Variants in ADAMTS19 observed in about 807,000 individuals in gnomAD.
ADAMTS19 encodes A disintegrin and metalloproteinase with thrombospondin motifs 19.
In ADAMTS19, 93 loss-of-function variants were observed where a neutral mutation model predicts 153.3. The ratio of observed to expected loss-of-function variants is 0.61; its 90% CI spans 0.51 to 0.72. The LOEUF (loss-of-function observed/expected upper bound fraction) is 0.72, where lower values mean the gene tolerates loss of function less well. Among genes scored for constraint, ADAMTS19 ranks in the 30% least tolerant of loss-of-function variants. The pLI, the probability that ADAMTS19 is intolerant of heterozygous loss-of-function variation, is 0.00. For synonymous variants in ADAMTS19, 600 were observed against 556.6 expected, an observed-to-expected ratio of 1.08 and a Z score of -1.10; for missense variants, 1,482 against 1,552.1, an observed-to-expected ratio of 0.95 and a Z score of 0.76.
At chr5:129,715,260 T>G (rs950282059) in intron 21 of ADAMTS19, among the ~76,000 whole-genome samples, 2 of 152,220 alleles carry the variant, frequency 1.3e-5, no homozygotes, top group African/African-American at 4.8e-5. Flanking sequence ...AAAAAATTCT[T>G]ACTTTTTTAA....
chr5:129,645,588 T>A (rs1020928938), intron 11 of ADAMTS19, among the ~76,000 whole-genome samples: 12 of 152,168 alleles, frequency 7.9e-5, no homozygotes, highest in Admixed American at 7.9e-4. Flanking sequence ...ATCAGCCAGA[T>A]GTGTCATTGT....
At chr5:129,638,128 AAAG>A (rs138079738) in intron 10 of ADAMTS19, among the ~76,000 whole-genome samples, 2,708 of 152,266 alleles carry the variant, frequency 0.018, 70 homozygotes, top group African/African-American at 0.061. Context: ...GAAAAGTTAA[AAAG>A]AAGAAGTGAT....
chr5:129,638,172 T>C (rs1211565290), intron 10 of ADAMTS19, among the ~76,000 whole-genome samples: 1 of 152,220 alleles, frequency 6.6e-6, no homozygotes, highest in Admixed American at 6.5e-5. Context: ...AGAAAGTTTC[T>C]CTGTGTTGAG....
chr5:129,730,395 G>A (rs1757386928), intron 21 of ADAMTS19, among the ~76,000 whole-genome samples: 1 of 152,074 alleles, frequency 6.6e-6, no homozygotes. Flanking sequence ...AATATATACA[G>A]AGTAAAACTT....
intron 7 of ADAMTS19, among the ~76,000 whole-genome samples, chr5:129,580,873 G>A (rs1265711435): frequency 6.6e-6 from 1 of 152,162 alleles, no homozygotes; most frequent in Non-Finnish European, 1.5e-5. Context: ...ATGTTCGTCA[G>A]GGATATTGGC....
chr5:129,641,324 A>T lies in ADAMTS19; in HGVS notation c.1771-535A>T, dbSNP rs573328944. On this transcript the variant is annotated intron_variant, in intron 10 of 22. Coordinates refer to ENST00000274487, the MANE Select transcript of ADAMTS19 (RefSeq NM_133638.6). ...GAAAATGTAAAAATCCTTCATACTG[A>T]AGTAAAAAGTACTGATAACAATTTA... Among the ~76,000 whole-genome samples the T allele has an allele frequency of 2.6e-5, 4 of 152,318 alleles. No individual in the cohort carries two copies. In the South Asian group the frequency reaches 8.3e-4, roughly 32 times the overall value.
At chr5:129,564,107 G>A (rs1753620334) in intron 7 of ADAMTS19, among the ~76,000 whole-genome samples, 1 of 152,170 alleles carries the variant, frequency 6.6e-6, no homozygotes. Context: ...TTTTAGTAGA[G>A]ACAGCGTTCC....
chr5:129,461,192 G>C lies in ADAMTS19; in HGVS notation c.182G>C (p.Gly61Ala), dbSNP rs1393395000. The change falls in exon 2 of 23, where the codon GGG becomes GCG. Residue 61 changes from glycine (G) to alanine (A), a missense_variant. This residue lies in a region of ADAMTS19 where 866 missense variants were observed against 827.7 expected (regional missense o/e 1.05). Coordinates refer to ENST00000274487, the MANE Select transcript of ADAMTS19 (RefSeq NM_133638.6). This position sits in a 1 kb window ranked among gnomAD's most constrained non-coding sequence, Gnocchi z 4.6. ...CCGGTGGACCCGGCTGGCGGCAGCG[G>C]GGGCAGCGCGGACCCGGGCTGGGTG... The part of the protein sequence containing the change: ...REPVDPAGGS[G>A]GSADPGWVRG... 10 of 1,343,872 alleles carry C rather than the reference G, an allele frequency of 7.4e-6. No individual in the cohort carries two copies. In the East Asian group the frequency reaches 2.5e-4, roughly 33 times the overall value. 83.2% of individuals were successfully genotyped at this position (1,343,872 alleles called of 1,614,324 possible). A position where few individuals can be genotyped will look rare whatever the true frequency, so the allele number is the denominator to read the frequency against.
At chr5:129,709,575 T>C (rs1231878999) in intron 21 of ADAMTS19, among the ~76,000 whole-genome samples, 1 of 152,214 alleles carries the variant, frequency 6.6e-6, no homozygotes, top group Non-Finnish European at 1.5e-5. Flanking sequence ...TTATGCCAGC[T>C]CTTTAAGTGT....
chr5:129,475,617 G>T (rs1580986266), intron 2 of ADAMTS19, among the ~76,000 whole-genome samples: 5 of 152,292 alleles, frequency 3.3e-5, no homozygotes, highest in Admixed American at 3.3e-4. Flanking sequence ...CAGATCACTT[G>T]GGGTCAGGAG....
intron 8 of ADAMTS19, among the ~76,000 whole-genome samples, chr5:129,612,982 G>T (rs954096460): frequency 6.6e-6 from 1 of 152,134 alleles, no homozygotes; most frequent in African/African-American, 2.4e-5. Flanking sequence ...AAAAAGAAGA[G>T]CTAACTATCC....
intron 6 of ADAMTS19, 134 bp from the exon 7 acceptor site, chr5:129,551,722 AATCTTATT>A: frequency 1.8e-6 from 1 of 554,670 alleles, no homozygotes; most frequent in Non-Finnish European, 3.1e-6. Flanking sequence ...ATTAAAAATT[AATCTTATT>A]CACAGTTTTA....
At chr5:129,577,418 A>T (rs1420773476) in intron 7 of ADAMTS19, among the ~76,000 whole-genome samples, 3 of 152,144 alleles carry the variant, frequency 2.0e-5, no homozygotes, top group African/African-American at 7.2e-5. Context: ...ATATTAAAAG[A>T]TAAAACTGAT....
intron 7 of ADAMTS19, among the ~76,000 whole-genome samples, chr5:129,587,963 A>G (rs1386299921): frequency 6.6e-6 from 1 of 151,900 alleles, no homozygotes; most frequent in Non-Finnish European, 1.5e-5. Flanking sequence ...ACTCTCTCCT[A>G]TTTTTAGGAT....
chr5:129,502,106 A>G (rs932487596), intron 2 of ADAMTS19, among the ~76,000 whole-genome samples: 1 of 152,148 alleles, frequency 6.6e-6, no homozygotes, highest in Admixed American at 6.6e-5. Context: ...TTGCTGATCA[A>G]AAACCAGCCT....
Position 129,714,607 on chromosome 5 carries a change from A to G in ADAMTS19, c.3312+10216A>G, listed in dbSNP as rs187865236. 9.0e-3 allele frequency among the ~76,000 whole-genome samples: 1,366 copies of G among 152,258 alleles called. 14 individuals are homozygous for G. Among genetic ancestry groups the G allele is most frequent in the South Asian group, 0.027 (129 of 4,828 alleles). On this transcript the variant is annotated intron_variant, in intron 21 of 22. Transcript: ENST00000274487. Reference sequence around the variant, plus strand: ...TATCAGGGGGCAACCAGAAAGCTCCATTTAAAGGGTGCAGACGCTACGTAA... The same window carrying G: ...TATCAGGGGGCAACCAGAAAGCTCCGTTTAAAGGGTGCAGACGCTACGTAA...
intron 16 of ADAMTS19, among the ~76,000 whole-genome samples, chr5:129,668,368 G>A (rs1447723224): frequency 1.3e-5 from 2 of 152,110 alleles, no homozygotes; most frequent in African/African-American, 4.8e-5. Context: ...CATAGATTAG[G>A]TAGCTTATAA....
chr5:129,461,769 C>T lies in ADAMTS19; in HGVS notation c.747+12C>T. 1.4e-6 allele frequency: 2 copies of T among 1,479,552 alleles called. No homozygotes were observed. The highest frequency in any genetic ancestry group is 5.2e-5 in the East Asian group (2 of 38,818). 91.7% of individuals were successfully genotyped at this position (1,479,552 alleles called of 1,614,324 possible). On this transcript the variant is annotated intron_variant, in intron 2 of 22. Coordinates refer to ENST00000274487, the MANE Select transcript of ADAMTS19 (RefSeq NM_133638.6). The surrounding 1 kb of genome is among the most constrained non-coding windows in gnomAD (Gnocchi z 4.6). ...GTGGAGGTGGCCTGGTAAGCGCCTT[C>T]TTTCCCTAGCTCTCCATTTTCCCCT...
intron 6 of ADAMTS19, among the ~76,000 whole-genome samples, chr5:129,543,061 T>A (rs77458507): frequency 9.3e-5 from 14 of 150,190 alleles, no homozygotes; most frequent in African/African-American, 3.2e-4. Flanking sequence ...TTTTTTTTTT[T>A]AATTTAAGAA....
Sources: allele counts gnomAD v4.1 joint callset (sites outside exome capture counted in the v4.1 genomes callset), GRCh38; gene constraint gnomAD v4.1.1; regional missense constraint gnomAD v4.1.1; non-coding constraint Gnocchi (gnomAD v3.1); transcripts MANE v1.5; gene names NCBI Gene and HGNC (gene_info 2026-07-23, HGNC 2026-07-21).